NFASC: variants seen among roughly 807,000 people sequenced by gnomAD.
The protein encoded by NFASC is neurofascin homolog.
In NFASC, 43 loss-of-function variants were observed where a neutral mutation model predicts 147.5. That is an observed-to-expected ratio of 0.29 (90% CI 0.23 to 0.38). NFASC has a LOEUF of 0.38. Ranked by LOEUF, NFASC falls within the 10% of genes least tolerant of loss-of-function variation. The pLI is 1.00. For missense variants in NFASC, 1,320 were observed against 1,689.0 expected (o/e 0.78, Z 3.83); for synonymous variants, 622 against 665.5 (o/e 0.93, Z 1.01).
chr1:204,880,761 G>A (rs2080039547), intron 1 of NFASC, among the ~76,000 whole-genome samples: 1 of 152,124 alleles, frequency 6.6e-6, no homozygotes, highest in South Asian at 2.1e-4. Context: ...TTTTTTCCTA[G>A]TTGACCCCAC....
intron 1 of NFASC, among the ~76,000 whole-genome samples, chr1:204,864,546 G>A (rs529146426): frequency 6.6e-6 from 1 of 152,224 alleles, no homozygotes; most frequent in Admixed American, 6.5e-5. Context: ...TCATTTTATT[G>A]ATTATAGCCA....
chr1:204,972,497 A>G (rs934705388), intron 11 of NFASC, among the ~76,000 whole-genome samples: 3 of 152,232 alleles, frequency 2.0e-5, no homozygotes, highest in African/African-American at 7.2e-5. Context: ...CCCAGATCCC[A>G]GAGTGAAGTG....
In NFASC at chr1:205,010,932, G is replaced by A. The variant is rs941459407; in HGVS notation, c.3421+1244G>A. 2.8e-4 allele frequency: 42 copies of A among 150,810 alleles called. No homozygotes were observed. Among genetic ancestry groups the A allele is most frequent in the Admixed American group, 9.9e-4 (15 of 15,154 alleles). The allele number at this position is 150,810 out of a possible 1,614,324, so 9.3% of individuals were successfully genotyped here. On this transcript the variant is annotated intron_variant, in intron 28 of 29. Transcript: ENST00000339876. This position sits in a 1 kb window ranked among gnomAD's most constrained non-coding sequence, Gnocchi z 4.1. Reference sequence around the variant, plus strand: ...AAGGAAAAAAAAAAAAAAAGATCCTGCAGCCCAGACATAACCAAGGTCAAG... The same window carrying A: ...AAGGAAAAAAAAAAAAAAAGATCCTACAGCCCAGACATAACCAAGGTCAAG...
At chr1:204,849,425 T>TG (rs1191844349) in intron 1 of NFASC, among the ~76,000 whole-genome samples, 3 of 152,188 alleles carry the variant, frequency 2.0e-5, no homozygotes, top group Admixed American at 6.5e-5. Context: ...TCTGAGGCAC[T>TG]GGGGGGGCTT....
intron 1 of NFASC, among the ~76,000 whole-genome samples, chr1:204,870,380 G>A (rs1475932624): frequency 6.6e-6 from 1 of 152,154 alleles, no homozygotes; most frequent in African/African-American, 2.4e-5. Flanking sequence ...GCCCTGGATG[G>A]AACAGGGTGG....
At chr1:205,012,044 A>G (rs552104603) in intron 28 of NFASC, among the ~76,000 whole-genome samples, 2 of 152,334 alleles carry the variant, frequency 1.3e-5, no homozygotes, top group South Asian at 4.2e-4. Flanking sequence ...GCACCACTGC[A>G]AAAAAACAAA....
chr1:204,859,388 G>T (rs1184165054), intron 1 of NFASC, among the ~76,000 whole-genome samples: 1 of 152,216 alleles, frequency 6.6e-6, no homozygotes, highest in African/African-American at 2.4e-5. Context: ...CACAGCAGTT[G>T]GTCCTTCATC....
chr1:204,851,408 C>T (rs745835966), intron 1 of NFASC, among the ~76,000 whole-genome samples: 1 of 151,266 alleles, frequency 6.6e-6, no homozygotes, highest in African/African-American at 2.4e-5. Flanking sequence ...TCCTGACTCA[C>T]TGCAACCTCC....
intron 1 of NFASC, among the ~76,000 whole-genome samples, chr1:204,856,483 CTAA>C (rs1406050031): frequency 6.6e-6 from 1 of 151,184 alleles, no homozygotes; most frequent in Non-Finnish European, 1.5e-5. Context: ...CCCCATGTAC[CTAA>C]TGTCTAAATT....
At chr1:204,972,958 A>G (rs1365864247) in intron 11 of NFASC, among the ~76,000 whole-genome samples, 1 of 152,224 alleles carries the variant, frequency 6.6e-6, no homozygotes, top group Non-Finnish European at 1.5e-5. Flanking sequence ...GTAGGAAGTG[A>G]TGTGGTTAGA....
chr1:204,920,427 C>CTTT (rs11381518), intron 1 of NFASC, among the ~76,000 whole-genome samples: 4 of 119,548 alleles, frequency 3.3e-5, no homozygotes, highest in Non-Finnish European at 5.1e-5. Context: ...AGGATCTGTC[C>CTTT]TTTTTTTTTT....
At chr1:204,945,067 A>G (rs1163706051) in intron 3 of NFASC, 1 of 152,178 alleles carries the variant, frequency 6.6e-6, no homozygotes, top group African/African-American at 2.4e-5. Flanking sequence ...AGGGGGCATT[A>G]TTTGACCATC....
chr1:204,866,946 G>A (rs2077157004), intron 1 of NFASC, among the ~76,000 whole-genome samples: 2 of 152,172 alleles, frequency 1.3e-5, no homozygotes, highest in Admixed American at 1.3e-4. Flanking sequence ...GGAGGAGGTG[G>A]CATTGGTACT....
intron 2 of NFASC, among the ~76,000 whole-genome samples, chr1:204,938,579 A>C (rs1340460460): frequency 6.6e-6 from 1 of 152,146 alleles, no homozygotes; most frequent in African/African-American, 2.4e-5. Flanking sequence ...GTGGCCTCAA[A>C]CCAGGCAGTC....
rs1339950580 is a variant in NFASC, at chr1:204,954,829, A to C, written c.413A>C (p.Lys138Thr). 3 of 1,614,006 alleles carry C rather than the reference A, an allele frequency of 1.9e-6. No individual in the cohort carries two copies. The highest frequency in any genetic ancestry group is 1.7e-6 in the Non-Finnish European group (2 of 1,179,962). ...ATCCTCTTTGTCCACTTCTCTCCAG[A>C]ATCTCCTCTGTGGCCCAAGGAAAAC... ...LSNRIRLQVS[K>T]SPLWPKENLD... The change falls in exon 7 of 30, where the codon AAA becomes ACA. Residue 138 changes from lysine (K) to threonine (T), a missense_variant and splice_region_variant. By Grantham distance (78) the Lys-to-Thr change is moderately conservative. Transcript: ENST00000339876. The surrounding 1 kb of genome is among the most constrained non-coding windows in gnomAD (Gnocchi z 5.7).
intron 1 of NFASC, among the ~76,000 whole-genome samples, chr1:204,881,220 T>C (rs961032376): frequency 6.6e-6 from 1 of 152,152 alleles, no homozygotes; most frequent in Admixed American, 6.5e-5. Flanking sequence ...GACCCCAGGT[T>C]GACCAGCAGA....
chr1:204,970,775 A>C (rs762825784), intron 11 of NFASC, 28 bp downstream of exon 11: 1 of 1,613,646 alleles, frequency 6.2e-7, no homozygotes, highest in Non-Finnish European at 8.5e-7. Context: ...GTCCCATCTG[A>C]CTCTCATCTC....
chr1:205,006,770 A>G (rs1034507929), intron 27 of NFASC, among the ~76,000 whole-genome samples: 1 of 152,208 alleles, frequency 6.6e-6, no homozygotes, highest in African/African-American at 2.4e-5. Flanking sequence ...AGATGGGCAC[A>G]GTGGTGTGGC....
chr1:204,982,557 G>A (rs755479127), intron 21 of NFASC, among the ~76,000 whole-genome samples: 2 of 152,218 alleles, frequency 1.3e-5, no homozygotes, highest in East Asian at 1.9e-4. Context: ...TGGTGCTCCC[G>A]CTGCGGCTCC....
Sources: allele counts gnomAD v4.1 joint callset (sites outside exome capture counted in the v4.1 genomes callset), GRCh38; gene constraint gnomAD v4.1.1; non-coding constraint Gnocchi (gnomAD v3.1); transcripts MANE v1.5; gene names NCBI Gene and HGNC (gene_info 2026-07-23, HGNC 2026-07-21).